The following LIMS1 variants were observed in gnomAD, a reference collection of about 807,000 sequenced individuals.
LIMS1 encodes the protein LIM and senescent cell antigen-like-containing domain protein 1.
A neutral mutation model predicts 44.1 loss-of-function variants in LIMS1; 18 were observed. The ratio of observed to expected loss-of-function variants is 0.41; its 90% CI spans 0.28 to 0.61. The LOEUF (loss-of-function observed/expected upper bound fraction) is 0.61, where lower values mean the gene tolerates loss of function less well. Among genes scored for constraint, LIMS1 ranks in the 20% least tolerant of loss-of-function variants. LIMS1 has a pLI of 0.32. For synonymous variants in LIMS1, 93 were observed against 149.1 expected (o/e 0.62, Z 2.74); for missense variants, 201 against 422.0 (o/e 0.48, Z 4.59).
intron 1 of LIMS1, among the ~76,000 whole-genome samples, chr2:108,566,466 T>C (rs1227983083): frequency 6.6e-6 from 1 of 152,222 alleles, no homozygotes; most frequent in African/African-American, 2.4e-5. Context: ...AGAGGGTAAA[T>C]TGCCCAGGGC....
chr2:108,556,264 A>G (rs999589388), intron 1 of LIMS1, among the ~76,000 whole-genome samples: 3 of 152,316 alleles, frequency 2.0e-5, no homozygotes, highest in African/African-American at 4.8e-5. Context: ...TGTTGTAGCT[A>G]TATCAGAATT....
chr2:108,554,586 GT>G (rs1684859359), intron 1 of LIMS1, among the ~76,000 whole-genome samples: 1 of 152,204 alleles, frequency 6.6e-6, no homozygotes, highest in African/African-American at 2.4e-5. Context: ...TTTGCCAAAT[GT>G]TTTTGTTTAA....
chr2:108,661,485 T>C (rs1691366393), intron 2 of LIMS1, among the ~76,000 whole-genome samples: 1 of 151,986 alleles, frequency 6.6e-6, no homozygotes, highest in Non-Finnish European at 1.5e-5. Context: ...AAATGACAGT[T>C]GTGAAGATGG....
At chr2:108,602,334 A>G (rs1245376317) in intron 1 of LIMS1, among the ~76,000 whole-genome samples, 2 of 152,180 alleles carry the variant, frequency 1.3e-5, no homozygotes, top group Non-Finnish European at 1.5e-5. Context: ...TACTGTGTTG[A>G]TAACAGTGGT....
chr2:108,642,931 G>A (rs1006628513), intron 1 of LIMS1, among the ~76,000 whole-genome samples: 16 of 152,210 alleles, frequency 1.1e-4, no homozygotes, highest in Admixed American at 6.5e-5. Flanking sequence ...ACTGTGCAGT[G>A]AGTGGGGGCC....
intron 1 of LIMS1, among the ~76,000 whole-genome samples, chr2:108,570,178 C>T (rs1558791545): frequency 6.6e-6 from 1 of 152,118 alleles, no homozygotes. Context: ...CGCCTGTAAT[C>T]CCAGCACTTT....
intron 1 of LIMS1, among the ~76,000 whole-genome samples, chr2:108,634,592 G>C (rs2053261): frequency 0.44 from 66,519 of 152,112 alleles, 16,054 homozygotes; most frequent in East Asian, 0.95. Flanking sequence ...TTGTCCTGGC[G>C]ACATCTCTGG....
At chr2:108,574,663 A>G (rs899681373) in intron 1 of LIMS1, among the ~76,000 whole-genome samples, 7 of 152,220 alleles carry the variant, frequency 4.6e-5, no homozygotes, top group African/African-American at 1.7e-4. Flanking sequence ...GGCAGGTATT[A>G]CTATACCTGT....
chr2:108,610,148 ATGTGTGTGTGTGTGTG>A (rs60571292), intron 1 of LIMS1, among the ~76,000 whole-genome samples: 38,524 of 143,316 alleles, frequency 0.27, 6,680 homozygotes, highest in East Asian at 0.84. Context: ...GTTACAAAAA[ATGTGTGTGTGTGTGTG>A]TGTGTGTGTG....
At chr2:108,632,489 G>A (rs769484931) in intron 1 of LIMS1, among the ~76,000 whole-genome samples, 1 of 152,150 alleles carries the variant, frequency 6.6e-6, no homozygotes, top group Non-Finnish European at 1.5e-5. Flanking sequence ...TTCTCAGAGT[G>A]TGATGAACAG....
At chr2:108,593,242 A>T (rs1429219068) in intron 1 of LIMS1, among the ~76,000 whole-genome samples, 1 of 152,116 alleles carries the variant, frequency 6.6e-6, no homozygotes, top group African/African-American at 2.4e-5. Flanking sequence ...GTTTTTCTCT[A>T]CTTCCAAACA....
chr2:108,585,065 G>T (rs1363642800), intron 1 of LIMS1, among the ~76,000 whole-genome samples: 1 of 146,446 alleles, frequency 6.8e-6, no homozygotes, highest in Admixed American at 7.1e-5. Flanking sequence ...GCAGGAAAAT[G>T]ACTTGAACGT....
chr2:108,670,661 A>G lies in LIMS1; in HGVS notation c.193-120A>G, dbSNP rs908191136. The G allele has an allele frequency of 7.3e-5, 50 of 680,644 alleles. No homozygotes were observed. In the African/African-American group the frequency reaches 7.4e-4, roughly 10 times the overall value. 42.2% of individuals were successfully genotyped at this position (680,644 alleles called of 1,614,324 possible). A position where few individuals can be genotyped will look rare whatever the true frequency, so the allele number is the denominator to read the frequency against. ...TGCTTTTTAAAATCCCAGTAGAGTT[A>G]TAAATTCTTAGAGTAGAACTCTTAG... On this transcript the variant is annotated intron_variant, in intron 2 of 9. Coordinates refer to ENST00000544547, the Ensembl canonical transcript of LIMS1.
intron 1 of LIMS1, among the ~76,000 whole-genome samples, chr2:108,535,334 T>C (rs1463554335): frequency 6.6e-6 from 1 of 152,236 alleles, no homozygotes; most frequent in African/African-American, 2.4e-5. Flanking sequence ...ACTACGTAAG[T>C]GGAAGTTTCT....
chr2:108,624,345 C>T (rs771922075), intron 1 of LIMS1, among the ~76,000 whole-genome samples: 2 of 152,130 alleles, frequency 1.3e-5, no homozygotes, highest in Non-Finnish European at 2.9e-5. Flanking sequence ...AAATTCCTGC[C>T]CTTTAAAAAT....
intron 3 of LIMS1, among the ~76,000 whole-genome samples, chr2:108,671,547 A>G (rs1035745023): frequency 6.6e-6 from 1 of 152,210 alleles, no homozygotes; most frequent in African/African-American, 2.4e-5. Context: ...CGCATAAGTG[A>G]TGGACTTGCT....
At chr2:108,643,389 C>A (rs889858990) in intron 1 of LIMS1, among the ~76,000 whole-genome samples, 1 of 152,156 alleles carries the variant, frequency 6.6e-6, no homozygotes, top group African/African-American at 2.4e-5. Flanking sequence ...CCGGGAAGCG[C>A]AAGGGGTTGG....
chr2:108,544,220 T>C (rs989390681), intron 1 of LIMS1, among the ~76,000 whole-genome samples: 1 of 152,180 alleles, frequency 6.6e-6, no homozygotes, highest in African/African-American at 2.4e-5. Flanking sequence ...TTGGTCATCG[T>C]AGGGTTCAAC....
At position 108,622,189 on chromosome 2, in the gene LIMS1, G is replaced by A. The variant is rs540134278; in HGVS notation, c.33-37416G>A. ...GTTTTACTGATGACAGAAGGCTGCA[G>A]TAAAGAGAGACTTCCTTTTTTTAAA... On this transcript the variant is annotated intron_variant, in intron 1 of 9. Coordinates refer to ENST00000544547, the Ensembl canonical transcript of LIMS1. Among the ~76,000 whole-genome samples, 10 of 152,336 alleles carry A rather than the reference G, an allele frequency of 6.6e-5. No individual in the cohort carries two copies. The East Asian group carries it at 1.5e-3, about 23-fold the overall frequency.
Sources: gnomAD v4.1 joint callset for allele counts (sites outside exome capture counted in the v4.1 genomes callset) on GRCh38, gnomAD v4.1.1 for gene constraint, MANE v1.5 for transcripts, NCBI Gene and HGNC (gene_info 2026-07-23, HGNC 2026-07-21) for gene names.